The following NUP93 variants were observed in gnomAD, a reference collection of about 807,000 sequenced individuals.
The protein encoded by NUP93 is nuclear pore complex protein Nup93.
A neutral mutation model predicts 107.8 loss-of-function variants in NUP93; 55 were observed. That is an observed-to-expected ratio of 0.51 (90% CI 0.41 to 0.64). The LOEUF is 0.64. Among genes scored for constraint, NUP93 ranks in the 30% least tolerant of loss-of-function variants. The pLI is 0.00. For synonymous variants in NUP93, 390 were observed against 397.5 expected (o/e 0.98, Z 0.22); for missense variants, 937 against 1,044.7 (o/e 0.90, Z 1.42).
At chr16:56,780,302 G>C (rs1168575122) in intron 3 of NUP93, among the ~76,000 whole-genome samples, 1 of 152,160 alleles carries the variant, frequency 6.6e-6, no homozygotes, top group Non-Finnish European at 1.5e-5. Context: ...AAACTAGAAA[G>C]CTCTTCAGCT....
intron 5 of NUP93, among the ~76,000 whole-genome samples, chr16:56,809,929 T>C (rs988632543): frequency 6.6e-6 from 1 of 152,356 alleles, no homozygotes; most frequent in Non-Finnish European, 1.5e-5. Context: ...TCTTTCTCAA[T>C]TCTTTGTGAA....
At chr16:56,795,280 T>C (rs1245097056) in intron 3 of NUP93, among the ~76,000 whole-genome samples, 2 of 152,226 alleles carry the variant, frequency 1.3e-5, no homozygotes, top group Non-Finnish European at 2.9e-5. Context: ...CACTAAAGCC[T>C]TTAGCTTTAG....
Position 56,833,152 on chromosome 16 carries a change from G to A in NUP93, c.1346-63G>A, listed in dbSNP as rs115255305. The A allele has an allele frequency of 8.3e-4, 1,196 of 1,439,574 alleles. 8 individuals carry two copies. The African/African-American group carries it at 0.015, about 19-fold the overall frequency. The allele number at this position is 1,439,574 out of a possible 1,614,324, so 89.2% of individuals were successfully genotyped here. A position where few individuals can be genotyped will look rare whatever the true frequency, so the allele number is the denominator to read the frequency against. On this transcript the variant is annotated intron_variant, in intron 12 of 21. Coordinates refer to ENST00000308159, the MANE Select transcript of NUP93 (RefSeq NM_014669.5). ...CTCACAGGGCTGCTGCCTGGGGGTT[G>A]GGCCACCAGTGAGCCCCTTCTTTCT...
In NUP93 at chr16:56,785,560, C is replaced by CTT. The variant is rs1374615503; in HGVS notation, c.298-12915_298-12914insTT. Among the ~76,000 whole-genome samples the CTT allele has an allele frequency of 3.3e-5, 5 of 152,280 alleles. No individual in the cohort carries two copies. In the South Asian group the frequency reaches 1.0e-3, roughly 32 times the overall value. ...TATTTGTATCAAACCTTTTACTGCT[C>CTT]TGACAGTACCATAATGTGGATAAGC... On this transcript the variant is annotated intron_variant, in intron 3 of 21. Transcript: ENST00000308159.
intron 7 of NUP93, among the ~76,000 whole-genome samples, chr16:56,822,252 C>T (rs1406067529): frequency 1.3e-5 from 2 of 151,942 alleles, no homozygotes; most frequent in Non-Finnish European, 2.9e-5. Flanking sequence ...TGGCTCACAT[C>T]TGTAACCCTA....
chr16:56,837,072 G>A (rs781148813), intron 17 of NUP93, among the ~76,000 whole-genome samples: 6 of 152,190 alleles, frequency 3.9e-5, no homozygotes, highest in South Asian at 4.1e-4. Flanking sequence ...GAACAGTGGT[G>A]TTAGAAAATA....
At chr16:56,827,167 G>C (rs1191457149) in intron 8 of NUP93, among the ~76,000 whole-genome samples, 1 of 150,952 alleles carries the variant, frequency 6.6e-6, no homozygotes, top group African/African-American at 2.4e-5. Context: ...TTTTGAGGTA[G>C]TCTCTTGTTT....
At chr16:56,805,801 C>T in intron 5 of NUP93, 169 bp downstream of exon 5, 2 of 671,006 alleles carry the variant, frequency 3.0e-6, no homozygotes. Flanking sequence ...TCCAACATGT[C>T]TGCCTGCTTC....
chr16:56,751,890 A>G (rs1961927311), intron 2 of NUP93, among the ~76,000 whole-genome samples: 1 of 152,164 alleles, frequency 6.6e-6, no homozygotes, highest in African/African-American at 2.4e-5. Context: ...GCACCCTTAC[A>G]GACTGAAGTT....
intron 5 of NUP93, 63 bp downstream of exon 5, chr16:56,805,695 T>A: frequency 6.6e-7 from 1 of 1,520,236 alleles, no homozygotes; most frequent in Non-Finnish European, 9.0e-7. Flanking sequence ...AATACTTGTC[T>A]ACTTGACTAG....
At chr16:56,833,457 T>C in intron 13 of NUP93, 51 bp downstream of exon 13, 6 of 1,427,924 alleles carry the variant, frequency 4.2e-6, no homozygotes, top group Non-Finnish European at 5.5e-6. Flanking sequence ...CACGTCCCCC[T>C]TGGGGCGACG....
At chr16:56,799,822 G>A (rs1296085794) in intron 4 of NUP93, among the ~76,000 whole-genome samples, 1 of 152,176 alleles carries the variant, frequency 6.6e-6, no homozygotes, top group African/African-American at 2.4e-5. Flanking sequence ...AGGGAGACTT[G>A]CCAGCTCCAT....
At chr16:56,807,089 C>T (rs1236781121) in intron 5 of NUP93, among the ~76,000 whole-genome samples, 2 of 152,194 alleles carry the variant, frequency 1.3e-5, no homozygotes, top group African/African-American at 4.8e-5. Flanking sequence ...ATGACATGGT[C>T]TTGTTGCCTC....
In NUP93 at chr16:56,834,175, G is replaced by C. The variant is rs150762291; in HGVS notation, c.1585G>C (p.Val529Leu). ...TCCTTGCTTGCGGCGGCTGAACTTC[G>C]TGCGGCTCCTCATGCTGTACACCCG... is the stretch of plus-strand genomic sequence containing the variant. ...DPPCLRRLNFVRLLMLYTRKF... is the reference protein window; with the variant it reads ...DPPCLRRLNFLRLLMLYTRKF... Residue 529 changes from valine to leucine, a missense_variant, in exon 14 of 22, where the codon GTG (valine) becomes CTG (leucine). By Grantham distance (32) the Val-to-Leu change is conservative. Coordinates refer to ENST00000308159, the MANE Select transcript of NUP93 (RefSeq NM_014669.5). 4 of 1,614,002 alleles carry C rather than the reference G, an allele frequency of 2.5e-6. No homozygotes were observed. The highest frequency in any genetic ancestry group is 2.2e-5 in the East Asian group (1 of 44,892).
At chr16:56,739,580 C>T (rs111829444) in intron 1 of NUP93, among the ~76,000 whole-genome samples, 2 of 81,846 alleles carry the variant, frequency 2.4e-5, no homozygotes, top group African/African-American at 1.0e-4. Context: ...GGGGGCTGAC[C>T]CCCCCACCTC....
Position 56,818,739 on chromosome 16 carries a change from G to C in NUP93, c.564+1G>C. ...CATCGAGATGGCCTATGCGCGGCAA[G>C]TGAGTGTGATTTTAAGGGGGATTAA... On this transcript the variant is annotated splice_donor_variant, in intron 6 of 21. Transcript: ENST00000308159. LOFTEE classifies it high-confidence loss of function. The C allele has an allele frequency of 6.2e-7, 1 of 1,613,462 alleles. No individual in the cohort carries two copies. Among genetic ancestry groups the C allele is most frequent in the Non-Finnish European group, 8.5e-7 (1 of 1,179,438 alleles).
chr16:56,734,309 C>T (rs765191364), intron 1 of NUP93, among the ~76,000 whole-genome samples: 37 of 152,176 alleles, frequency 2.4e-4, no homozygotes, highest in Non-Finnish European at 4.6e-4. Context: ...GGAGAATATT[C>T]CTGCAGATGC....
chr16:56,765,351 CTTTT>C (rs1284540074), intron 3 of NUP93, among the ~76,000 whole-genome samples: 1 of 152,178 alleles, frequency 6.6e-6, no homozygotes. Flanking sequence ...GATACCCTTT[CTTTT>C]GAGTTTTTAG....
chr16:56,786,202 A>G (rs1298173879), intron 3 of NUP93, among the ~76,000 whole-genome samples: 1 of 152,190 alleles, frequency 6.6e-6, no homozygotes, highest in Non-Finnish European at 1.5e-5. Context: ...TCATAGTGGT[A>G]ATGACAGTGT....
Sources: gnomAD v4.1 joint callset for allele counts (sites outside exome capture counted in the v4.1 genomes callset) on GRCh38, gnomAD v4.1.1 for gene constraint, MANE v1.5 for transcripts, NCBI Gene and HGNC (gene_info 2026-07-23, HGNC 2026-07-21) for gene names.